CSMD1: variants seen among roughly 807,000 people sequenced by gnomAD.
CSMD1 encodes the protein CUB and Sushi multiple domains 1, also known as CUB and sushi domain-containing protein 1.
CSMD1 carries 213 observed loss-of-function variants against 417.5 expected under a neutral mutation model. The observed-to-expected ratio is 0.51, with a 90% CI of 0.46 to 0.57. The LOEUF (loss-of-function observed/expected upper bound fraction) is 0.57, where lower values mean the gene tolerates loss of function less well. Ranked by LOEUF, CSMD1 falls within the 20% of genes least tolerant of loss-of-function variation. CSMD1 has a pLI of 0.00. For missense variants in CSMD1, 6,923 were observed against 4,529.7 expected (o/e 1.53, Z -15.17); for synonymous variants, 2,862 against 1,736.8 (o/e 1.65, Z -16.11).
intron 8 of CSMD1, among the ~76,000 whole-genome samples, chr8:3,607,205 C>T (rs983982892): frequency 3.9e-5 from 6 of 152,230 alleles, no homozygotes; most frequent in Non-Finnish European, 7.4e-5. Flanking sequence ...TAGGCCTGCA[C>T]GACGTCAGGA....
At chr8:4,449,424 A>T (rs1161187811) in intron 2 of CSMD1, among the ~76,000 whole-genome samples, 3 of 152,170 alleles carry the variant, frequency 2.0e-5, no homozygotes, top group Non-Finnish European at 4.4e-5. Context: ...AGCCGTGTAG[A>T]AGTTCATATT....
At chr8:4,680,019 T>A (rs1584936213) in intron 1 of CSMD1, among the ~76,000 whole-genome samples, 1 of 152,204 alleles carries the variant, frequency 6.6e-6, no homozygotes, top group African/African-American at 2.4e-5. Flanking sequence ...ACTCTTCAAG[T>A]ACTTTAATCT....
chr8:4,347,078 C>G (rs996059889), intron 3 of CSMD1, among the ~76,000 whole-genome samples: 1 of 152,006 alleles, frequency 6.6e-6, no homozygotes, highest in African/African-American at 2.4e-5. Flanking sequence ...CCATTTTTCT[C>G]CTATTCTTTG....
chr8:4,422,846 A>G (rs1379294227), intron 2 of CSMD1, among the ~76,000 whole-genome samples: 1 of 152,138 alleles, frequency 6.6e-6, no homozygotes, highest in Non-Finnish European at 1.5e-5. Flanking sequence ...AATGGTGTTT[A>G]TTAGAGGAAT....
chr8:4,048,610 C>G lies in CSMD1; in HGVS notation c.416-16511G>C, dbSNP rs550379077. Among the ~76,000 whole-genome samples the G allele has an allele frequency of 2.0e-5, 3 of 152,276 alleles. No homozygotes were observed. The East Asian group carries it at 5.8e-4, about 29-fold the overall frequency. On this transcript the variant is annotated intron_variant, in intron 3 of 69. Coordinates refer to ENST00000635120, the MANE Select transcript of CSMD1 (RefSeq NM_033225.6). Reference sequence around the variant, plus strand: ...AGAGTTTGTATACAAACAGCACACACCAAACAGGTAATTCTTAAATAATTT... The same window carrying G: ...AGAGTTTGTATACAAACAGCACACAGCAAACAGGTAATTCTTAAATAATTT...
chr8:3,744,296 G>A (rs912189877), intron 6 of CSMD1, among the ~76,000 whole-genome samples: 8 of 152,194 alleles, frequency 5.3e-5, no homozygotes, highest in Admixed American at 5.2e-4. Flanking sequence ...AGGCGGATGG[G>A]GACACAGCAC....
Position 4,266,125 on chromosome 8 carries a change from T to C in CSMD1, c.415+153828A>G, listed in dbSNP as rs1162053948. Among the ~76,000 whole-genome samples, 5 of 104,180 alleles carry C rather than the reference T, an allele frequency of 4.8e-5. 2 individuals are homozygous for C. The highest frequency in any genetic ancestry group is 1.8e-4 in the Admixed American group (2 of 10,908). 68.3% of individuals were successfully genotyped at this position (104,180 alleles called of 152,430 possible). On this transcript the variant is annotated intron_variant, in intron 3 of 69. Transcript: ENST00000635120. The stretch of plus-strand genomic sequence containing the variant: ...CTGATATTGATCATTTGGAACTGAC[T>C]TAAAACCACCTTTTTACTTCAGCTA...
At chr8:3,309,089 C>G (rs766538250) in intron 23 of CSMD1, among the ~76,000 whole-genome samples, 48 of 152,070 alleles carry the variant, frequency 3.2e-4, no homozygotes, top group Non-Finnish European at 4.3e-4. Context: ...AGTCTGCACC[C>G]TGGATTCTCT....
intron 2 of CSMD1, among the ~76,000 whole-genome samples, chr8:4,549,074 C>G (rs973088139): frequency 1.6e-4 from 24 of 152,032 alleles, no homozygotes; most frequent in African/African-American, 5.8e-4. Flanking sequence ...ACTTCATTAA[C>G]TTCATTAAAC....
rs184402973 is a variant in CSMD1 at position 3,297,961 on chromosome 8, G to T, written c.3950+9734C>A. Among the ~76,000 whole-genome samples the T allele has an allele frequency of 3.9e-5, 6 of 152,262 alleles. No homozygotes were observed. In the East Asian group the frequency reaches 9.7e-4, roughly 25 times the overall value. On this transcript the variant is annotated intron_variant, in intron 25 of 69. Coordinates refer to ENST00000635120, the MANE Select transcript of CSMD1 (RefSeq NM_033225.6). ...AGGCTTCAACTGGCAATTAGTAAAAGAGGATATTCAAAAGGCCAATAAACA... is the reference window on the plus strand; with the variant it reads ...AGGCTTCAACTGGCAATTAGTAAAATAGGATATTCAAAAGGCCAATAAACA...
chr8:3,776,337 G>A (rs1396481143), intron 5 of CSMD1, among the ~76,000 whole-genome samples: 1 of 152,088 alleles, frequency 6.6e-6, no homozygotes, highest in Non-Finnish European at 1.5e-5. Flanking sequence ...GCACCTTGAA[G>A]CGACACTCTC....
chr8:3,137,666 C>T (rs529119748), intron 41 of CSMD1, among the ~76,000 whole-genome samples: 2 of 152,270 alleles, frequency 1.3e-5, no homozygotes, highest in Non-Finnish European at 2.9e-5. Context: ...CTCTAAATTT[C>T]TTATAATACT....
chr8:4,328,201 G>C (rs1461772723), intron 3 of CSMD1, among the ~76,000 whole-genome samples: 1 of 149,984 alleles, frequency 6.7e-6, no homozygotes, highest in Admixed American at 6.7e-5. Flanking sequence ...GCTTGTATTT[G>C]ACCCAAATTC....
chr8:4,643,684 C>T (rs758794037), intron 1 of CSMD1, among the ~76,000 whole-genome samples: 4 of 152,180 alleles, frequency 2.6e-5, no homozygotes, highest in Non-Finnish European at 2.9e-5. Context: ...TTTCCCTGAT[C>T]AGATAAGCGC....
At chr8:3,246,513 C>G (rs1355288143) in intron 26 of CSMD1, among the ~76,000 whole-genome samples, 1 of 151,914 alleles carries the variant, frequency 6.6e-6, no homozygotes, top group Non-Finnish European at 1.5e-5. Context: ...ACTCTGTCAC[C>G]CAGGCTGGTG....
intron 11 of CSMD1, among the ~76,000 whole-genome samples, chr8:3,486,925 C>G (rs1485335646): frequency 1.3e-5 from 2 of 152,156 alleles, no homozygotes; most frequent in African/African-American, 4.8e-5. Context: ...TCTGAACTGT[C>G]CAGTACTAAT....
At chr8:4,287,975 T>C (rs1293378316) in intron 3 of CSMD1, among the ~76,000 whole-genome samples, 1 of 152,190 alleles carries the variant, frequency 6.6e-6, no homozygotes, top group Non-Finnish European at 1.5e-5. Flanking sequence ...GACAATATGA[T>C]AATAAAATTA....
chr8:3,406,163 A>C lies in CSMD1; in HGVS notation c.2130T>G (p.Gly710=). ...PGIPINGRRF[G]DRFLLGSSVS... ...CCGAGCTCCCGAGTAGAAACCTGTC[A>C]CCAAAACGTCGTCCGTTTATAGGAA... Residue 710 remains glycine, a synonymous_variant, in exon 15 of 70, where the codon GGT becomes GGG. Transcript: ENST00000635120. The C allele has an allele frequency of 6.2e-7, 1 of 1,613,502 alleles. No homozygotes were observed. The highest frequency in any genetic ancestry group is 8.5e-7 in the Non-Finnish European group (1 of 1,179,672).
chr8:4,854,564 C>T (rs932072281), intron 1 of CSMD1, among the ~76,000 whole-genome samples: 3 of 152,102 alleles, frequency 2.0e-5, no homozygotes, highest in Admixed American at 6.5e-5. Flanking sequence ...GCGCACCGTG[C>T]GTGAGCTGAA....
Sources: allele counts gnomAD v4.1 joint callset (sites outside exome capture counted in the v4.1 genomes callset), GRCh38; gene constraint gnomAD v4.1.1; transcripts MANE v1.5; gene names NCBI Gene and HGNC (gene_info 2026-07-23, HGNC 2026-07-21).